ZNF423: variants seen among roughly 807,000 people sequenced by gnomAD.
ZNF423 encodes zinc finger protein 423.
In ZNF423, 12 loss-of-function variants were observed where a neutral mutation model predicts 95.8. The ratio of observed to expected loss-of-function variants is 0.13; its 90% CI spans 0.08 to 0.20. The LOEUF (loss-of-function observed/expected upper bound fraction) is 0.20. ZNF423 is among the 10% of genes least tolerant of loss of function. The pLI, the probability that ZNF423 is intolerant of heterozygous loss-of-function variation, is 1.00. For missense variants in ZNF423, 1,316 were observed against 1,737.1 expected, an observed-to-expected ratio of 0.76 and a Z score of 4.31; for synonymous variants, 749 against 711.9, an observed-to-expected ratio of 1.05 and a Z score of -0.83.
intron 3 of ZNF423, among the ~76,000 whole-genome samples, chr16:49,651,330 T>TA (rs1451628912): frequency 1.3e-5 from 2 of 152,060 alleles, no homozygotes; most frequent in East Asian, 3.9e-4. Flanking sequence ...CTGGCCCACT[T>TA]ACGGTTTTTC....
intron 2 of ZNF423, among the ~76,000 whole-genome samples, chr16:49,761,951 A>G (rs1448747690): frequency 6.6e-5 from 10 of 151,988 alleles, no homozygotes; most frequent in African/African-American, 2.4e-4. Flanking sequence ...CCAACTAGCT[A>G]GGACTACAGG....
At chr16:49,854,320 C>T (rs2035333159) in intron 1 of ZNF423, 1 of 985,296 alleles carries the variant, frequency 1.0e-6, no homozygotes, top group African/African-American at 1.7e-5. Flanking sequence ...AGGATCTCTG[C>T]TGGGCCGGGG....
intron 3 of ZNF423, among the ~76,000 whole-genome samples, chr16:49,672,522 A>G (rs956850978): frequency 2.0e-5 from 3 of 152,212 alleles, no homozygotes; most frequent in Non-Finnish European, 4.4e-5. Flanking sequence ...GCTGCAGTTT[A>G]AAAGCCTCCT....
intron 1 of ZNF423, chr16:49,854,880 G>A (rs1180354794): frequency 4.1e-6 from 4 of 985,224 alleles, no homozygotes; most frequent in Admixed American, 6.1e-5. Context: ...GCACCCCGGG[G>A]AGCCAGCACA....
chr16:49,781,729 G>C lies in ZNF423; in HGVS notation c.100+7758C>G, dbSNP rs78437919. 2.9e-3 allele frequency among the ~76,000 whole-genome samples: 437 copies of C among 152,308 alleles called. 4 individuals carry two copies. The highest frequency in any genetic ancestry group is 0.01 in the African/African-American group (417 of 41,580). On this transcript the variant is annotated intron_variant, in intron 2 of 7. Transcript: ENST00000563137. Reference sequence around the variant, plus strand: ...CCCCAGCCAAAACCTCGGGGCAAAGGACTGCAGGGGATGAGGCTGTCGCCT... The same window carrying C: ...CCCCAGCCAAAACCTCGGGGCAAAGCACTGCAGGGGATGAGGCTGTCGCCT...
chr16:49,743,919 G>A (rs995675045), intron 2 of ZNF423, among the ~76,000 whole-genome samples: 1 of 152,184 alleles, frequency 6.6e-6, no homozygotes, highest in Admixed American at 6.5e-5. Flanking sequence ...AGCAGGACTC[G>A]TGGAGTGGCT....
chr16:49,543,608 C>A (rs1433408892), intron 5 of ZNF423, among the ~76,000 whole-genome samples: 1 of 152,196 alleles, frequency 6.6e-6, no homozygotes, highest in Non-Finnish European at 1.5e-5. Flanking sequence ...ACACAGAAGG[C>A]TCAGTGCAGC....
At chr16:49,605,013 G>A (rs901247508) in intron 5 of ZNF423, among the ~76,000 whole-genome samples, 2 of 152,196 alleles carry the variant, frequency 1.3e-5, no homozygotes, top group African/African-American at 4.8e-5. Context: ...ATGCTGCCTG[G>A]CTTAATGTAT....
chr16:49,551,377 T>TC (rs550747758), intron 5 of ZNF423, among the ~76,000 whole-genome samples: 1 of 152,074 alleles, frequency 6.6e-6, no homozygotes, highest in African/African-American at 2.4e-5. Context: ...CACAATTCCA[T>TC]CCCCCCTCCC....
Position 49,854,594 on chromosome 16 carries a change from C to T in ZNF423, c.40+1141G>A, listed in dbSNP as rs1043317878. ...ACTTAGCCGCTCTCATCGTTCCCCC[C>T]TTCCTCGATCATCTCCCATCTCACA... is the stretch of plus-strand genomic sequence containing the variant. On this transcript the variant is annotated intron_variant, in intron 1 of 7. Transcript: ENST00000563137. The T allele has an allele frequency of 3.1e-5, 31 of 985,448 alleles. No individual in the cohort carries two copies. The East Asian group carries it at 2.4e-3, about 76-fold the overall frequency. 61.0% of individuals were successfully genotyped at this position (985,448 alleles called of 1,614,324 possible).
At chr16:49,668,057 C>CT (rs966745630) in intron 3 of ZNF423, among the ~76,000 whole-genome samples, 8 of 152,136 alleles carry the variant, frequency 5.3e-5, no homozygotes, top group African/African-American at 1.9e-4. Flanking sequence ...TACAAACTTT[C>CT]TTTAGCAGGA....
intron 3 of ZNF423, among the ~76,000 whole-genome samples, chr16:49,657,068 G>A (rs1220567665): frequency 6.6e-6 from 1 of 152,210 alleles, no homozygotes; most frequent in Non-Finnish European, 1.5e-5. Flanking sequence ...CAAGCATTCT[G>A]CCAAGGAGGT....
intron 3 of ZNF423, among the ~76,000 whole-genome samples, chr16:49,689,159 G>A (rs2031681401): frequency 6.6e-6 from 1 of 152,092 alleles, no homozygotes; most frequent in Non-Finnish European, 1.5e-5. Context: ...AAAGAATTTG[G>A]GGCTGGACAC....
At chr16:49,624,177 G>A (rs1011868108) in intron 5 of ZNF423, among the ~76,000 whole-genome samples, 2 of 151,900 alleles carry the variant, frequency 1.3e-5, no homozygotes, top group Non-Finnish European at 2.9e-5. Flanking sequence ...AGTATATAAT[G>A]TATTATATAT....
At chr16:49,612,409 T>TAAAAAAAAAAAAAAAA (rs35731470) in intron 5 of ZNF423, among the ~76,000 whole-genome samples, 1 of 128,960 alleles carries the variant, frequency 7.8e-6, no homozygotes, top group African/African-American at 2.8e-5. Context: ...ATAGGTACAG[T>TAAAAAAAAAAAAAAAA]AAAAAAAAAA....
At chr16:49,853,431 C>T (rs1381168920) in intron 1 of ZNF423, among the ~76,000 whole-genome samples, 1 of 152,080 alleles carries the variant, frequency 6.6e-6, no homozygotes, top group Non-Finnish European at 1.5e-5. Flanking sequence ...CCCCAGTAAA[C>T]AGAATAAAAG....
chr16:49,536,788 T>G (rs1969069564), intron 5 of ZNF423, among the ~76,000 whole-genome samples: 2 of 152,210 alleles, frequency 1.3e-5, no homozygotes. Context: ...ATAGCTAATG[T>G]GGCCAGTGAC....
chr16:49,730,996 A>G (rs1300332272), intron 2 of ZNF423, 25 bp from the exon 3 acceptor site: 1 of 1,610,290 alleles, frequency 6.2e-7, no homozygotes, highest in Non-Finnish European at 8.5e-7. Flanking sequence ...AATACAGTCC[A>G]TGTCAGCTGA....
intron 7 of ZNF423, among the ~76,000 whole-genome samples, chr16:49,514,695 A>C (rs1431614554): frequency 6.6e-6 from 1 of 152,216 alleles, no homozygotes; most frequent in African/African-American, 2.4e-5. Context: ...GGCACACACA[A>C]GCAAACAGCA....
Sources: allele counts gnomAD v4.1 joint callset (sites outside exome capture counted in the v4.1 genomes callset), GRCh38; gene constraint gnomAD v4.1.1; transcripts MANE v1.5; gene names NCBI Gene and HGNC (gene_info 2026-07-23, HGNC 2026-07-21).